TOM1L2: variants seen among roughly 807,000 people sequenced by gnomAD.
TOM1L2 encodes the protein target of myb1 like 2 membrane trafficking protein, also known as TOM1-like protein 2.
In TOM1L2, 31 loss-of-function variants were observed where a neutral mutation model predicts 67.9. The observed-to-expected ratio is 0.46, with a 90% confidence interval of 0.34 to 0.62. The LOEUF is 0.62. Ranked by LOEUF, TOM1L2 falls within the 20% of genes least tolerant of loss-of-function variation. TOM1L2 has a pLI of 0.01. For synonymous variants in TOM1L2, 256 were observed against 254.0 expected, an observed-to-expected ratio of 1.01 and a Z score of -0.07; for missense variants, 606 against 663.5, an observed-to-expected ratio of 0.91 and a Z score of 0.95.
chr17:17,959,582 C>G (rs2041604326), intron 1 of TOM1L2, among the ~76,000 whole-genome samples: 1 of 152,150 alleles, frequency 6.6e-6, no homozygotes, highest in African/African-American at 2.4e-5. Flanking sequence ...ATTCAGCTTT[C>G]AAACCCCAAG....
intron 1 of TOM1L2, among the ~76,000 whole-genome samples, chr17:17,968,496 C>G (rs904779762): frequency 6.6e-6 from 1 of 152,062 alleles, no homozygotes; most frequent in South Asian, 2.1e-4. Flanking sequence ...GAAACCTTGT[C>G]TCTACTAAAA....
chr17:17,908,664 T>C (rs772874374), intron 1 of TOM1L2, among the ~76,000 whole-genome samples: 11 of 152,158 alleles, frequency 7.2e-5, no homozygotes, highest in Non-Finnish European at 1.6e-4. Flanking sequence ...GATATATAAA[T>C]GACTAACAAG....
chr17:17,952,200 T>G (rs2041230394), intron 1 of TOM1L2, among the ~76,000 whole-genome samples: 1 of 151,936 alleles, frequency 6.6e-6, no homozygotes, highest in Non-Finnish European at 1.5e-5. Context: ...AAATGTACAA[T>G]GACATGGCAA....
In TOM1L2 at chr17:17,941,737, T is replaced by C. The variant is rs140322756; in HGVS notation, c.52+30525A>G. 4.6e-5 allele frequency among the ~76,000 whole-genome samples: 7 copies of C among 152,310 alleles called. 1 individual carries two copies. The highest frequency in any genetic ancestry group is 6.8e-3 in the Middle Eastern group (2 of 294). On this transcript the variant is annotated intron_variant, in intron 1 of 14. Coordinates refer to ENST00000379504, the MANE Select transcript of TOM1L2 (RefSeq NM_001082968.2). The stretch of plus-strand genomic sequence containing the variant: ...ATTCTTAGCAATTTTACAGTGGAAA[T>C]GGATACATAAGCCCTGTCCATGCCT...
At chr17:17,959,751 A>G (rs1873909172) in intron 1 of TOM1L2, among the ~76,000 whole-genome samples, 1 of 152,214 alleles carries the variant, frequency 6.6e-6, no homozygotes, top group African/African-American at 2.4e-5. Context: ...ATTCTCTGAG[A>G]TGAAAGAATC....
intron 1 of TOM1L2, among the ~76,000 whole-genome samples, chr17:17,928,560 T>C (rs535504429): frequency 6.6e-6 from 1 of 152,318 alleles, no homozygotes; most frequent in Non-Finnish European, 1.5e-5. Context: ...CTCCTCTCAG[T>C]GAGGGCCCCA....
chr17:17,941,358 C>A (rs922274665), intron 1 of TOM1L2, among the ~76,000 whole-genome samples: 3 of 152,038 alleles, frequency 2.0e-5, no homozygotes, highest in African/African-American at 7.2e-5. Flanking sequence ...GCTCTGCCCT[C>A]GGATGACTAT....
At chr17:17,884,853 C>A (rs1187489631) in intron 4 of TOM1L2, 85 bp from the exon 5 acceptor site, 1 of 1,563,172 alleles carries the variant, frequency 6.4e-7, no homozygotes, top group South Asian at 1.1e-5. Context: ...GTCCTCTCCC[C>A]GAGACCAGTG....
chr17:17,857,465 T>C (rs2036308041), intron 12 of TOM1L2, among the ~76,000 whole-genome samples: 1 of 152,050 alleles, frequency 6.6e-6, no homozygotes, highest in Non-Finnish European at 1.5e-5. Flanking sequence ...CCTGGAAAAG[T>C]GAATACTGCT....
At chr17:17,864,570 G>A (rs1216764908) in intron 10 of TOM1L2, among the ~76,000 whole-genome samples, 2 of 133,464 alleles carry the variant, frequency 1.5e-5, no homozygotes, top group Non-Finnish European at 3.2e-5. Context: ...GCAGTGCAGT[G>A]GCACAATCTC....
chr17:17,917,116 C>T (rs187375080), intron 1 of TOM1L2, among the ~76,000 whole-genome samples: 2 of 152,080 alleles, frequency 1.3e-5, no homozygotes, highest in Non-Finnish European at 2.9e-5. Flanking sequence ...GCCGAGATCA[C>T]GCCACTGCAC....
At chr17:17,917,448 G>GTTT (rs1568270411) in intron 1 of TOM1L2, among the ~76,000 whole-genome samples, 1 of 96,856 alleles carries the variant, frequency 1.0e-5, no homozygotes, top group Non-Finnish European at 2.0e-5. Context: ...AATACCATTG[G>GTTT]TCTTTTTTTT....
intron 1 of TOM1L2, among the ~76,000 whole-genome samples, chr17:17,946,194 T>A (rs1796820165): frequency 6.6e-6 from 1 of 152,190 alleles, no homozygotes; most frequent in Non-Finnish European, 1.5e-5. Context: ...CAATTTTGTA[T>A]AAGAGCTTTA....
chr17:17,868,803 C>T (rs1264320069), intron 8 of TOM1L2, among the ~76,000 whole-genome samples: 6 of 152,206 alleles, frequency 3.9e-5, no homozygotes, highest in Admixed American at 2.0e-4. Context: ...AATGTGTGCA[C>T]GCTTCCCTAA....
At chr17:17,958,250 A>C (rs1348838725) in intron 1 of TOM1L2, among the ~76,000 whole-genome samples, 1 of 152,186 alleles carries the variant, frequency 6.6e-6, no homozygotes, top group Admixed American at 6.5e-5. Flanking sequence ...GATGTGCCCC[A>C]CCCAAAGTCT....
intron 3 of TOM1L2, among the ~76,000 whole-genome samples, chr17:17,894,966 T>TGC (rs2038484773): frequency 1.3e-5 from 2 of 149,720 alleles, no homozygotes; most frequent in Non-Finnish European, 3.0e-5. Flanking sequence ...CATACATACA[T>TGC]ACATACATAC....
At chr17:17,942,784 A>G (rs1223142449) in intron 1 of TOM1L2, among the ~76,000 whole-genome samples, 1 of 152,186 alleles carries the variant, frequency 6.6e-6, no homozygotes. Flanking sequence ...TTAGTATAGA[A>G]AAGGAAGCAG....
In TOM1L2 at chr17:17,893,698, G is replaced by A. The variant is rs1265849696; in HGVS notation, c.329C>T (p.Pro110Leu). 7 of 1,614,024 alleles carry A rather than the reference G, an allele frequency of 4.3e-6. No homozygotes were observed. Among genetic ancestry groups the A allele is most frequent in the African/African-American group, 2.7e-5 (2 of 74,896 alleles). ...VKIISPKNNP[P>L]TIVQDKVLAL... ...AAGCACTTTGTCCTGTACAATGGTG[G>A]GAGGGTTGTTCTTGGGAGATATAAT... Residue 110 changes from proline (P) to leucine (L), a missense_variant, in exon 4 of 15, where the codon CCC becomes CTC. Pro to Leu is a moderately conservative substitution (Grantham distance 98, BLOSUM62 -3). Coordinates refer to ENST00000379504, the MANE Select transcript of TOM1L2 (RefSeq NM_001082968.2).
At chr17:17,866,103 C>T (rs1057115872) in intron 10 of TOM1L2, among the ~76,000 whole-genome samples, 193 bp downstream of exon 10, 3 of 152,078 alleles carry the variant, frequency 2.0e-5, no homozygotes, top group Non-Finnish European at 2.9e-5. Context: ...AGATTTTAAA[C>T]TTCAAATTTA....
Sources: gnomAD v4.1 joint callset for allele counts (sites outside exome capture counted in the v4.1 genomes callset) on GRCh38, gnomAD v4.1.1 for gene constraint, MANE v1.5 for transcripts, NCBI Gene and HGNC (gene_info 2026-07-23, HGNC 2026-07-21) for gene names.